Variants in CLYBL observed in about 807,000 individuals in gnomAD.
CLYBL encodes citramalyl-CoA lyase.
A neutral mutation model predicts 38.9 loss-of-function variants in CLYBL; 31 were observed. That is an observed-to-expected ratio of 0.80 (90% CI 0.60 to 1.08). CLYBL has a LOEUF of 1.08. CLYBL is among the 50% of genes least tolerant of loss of function. The pLI, the probability that CLYBL is intolerant of heterozygous loss-of-function variation, is 0.00. For synonymous variants in CLYBL, 171 were observed against 158.6 expected (o/e 1.08, Z -0.59); for missense variants, 434 against 411.6 (o/e 1.05, Z -0.47).
chr13:99,789,075 A>G (rs2049861044), intron 2 of CLYBL, among the ~76,000 whole-genome samples: 1 of 151,964 alleles, frequency 6.6e-6, no homozygotes, highest in Non-Finnish European at 1.5e-5. Context: ...TATTGCGTCT[A>G]TTTGATTCTT....
chr13:99,798,136 C>T (rs1303221567), intron 2 of CLYBL, among the ~76,000 whole-genome samples: 1 of 152,130 alleles, frequency 6.6e-6, no homozygotes, highest in African/African-American at 2.4e-5. Flanking sequence ...ATAAGCTTCC[C>T]CATAGTCACC....
intron 1 of CLYBL, among the ~76,000 whole-genome samples, chr13:99,676,922 T>C (rs2047662007): frequency 6.6e-6 from 1 of 151,912 alleles, no homozygotes. Flanking sequence ...CTTAATAATA[T>C]TCCCAAATGG....
chr13:99,716,169 A>ATATTTTTTTTTTTTTTTT (rs2048308482), intron 1 of CLYBL, among the ~76,000 whole-genome samples: 2 of 33,434 alleles, frequency 6.0e-5, no homozygotes, highest in Non-Finnish European at 1.2e-4. Flanking sequence ...TATTGGTGTA[A>ATATTTTTTTTTTTTTTTT]TTTTTTTTTT....
intron 1 of CLYBL, among the ~76,000 whole-genome samples, chr13:99,652,169 TG>T (rs2047264500): frequency 6.6e-6 from 1 of 152,198 alleles, no homozygotes; most frequent in African/African-American, 2.4e-5. Context: ...AGTGTCCAAC[TG>T]GGCTAATAGG....
chr13:99,827,811 G>A (rs1458175021), intron 2 of CLYBL, among the ~76,000 whole-genome samples: 1 of 152,264 alleles, frequency 6.6e-6, no homozygotes, highest in East Asian at 1.9e-4. Context: ...GTATGGTTCG[G>A]GAGGGTTCAT....
intron 1 of CLYBL, among the ~76,000 whole-genome samples, chr13:99,680,531 A>G (rs2047719906): frequency 6.6e-6 from 1 of 152,234 alleles, no homozygotes; most frequent in South Asian, 2.1e-4. Context: ...AGGACTGGCC[A>G]GAGAAGAAAA....
At chr13:99,775,520 TA>T (rs1339505097) in intron 2 of CLYBL, among the ~76,000 whole-genome samples, 1 of 152,100 alleles carries the variant, frequency 6.6e-6, no homozygotes, top group East Asian at 1.9e-4. Flanking sequence ...AAAATTTCAT[TA>T]AAAAAATTTT....
chr13:99,897,839 C>T (rs185573256), downstream of CLYBL, among the ~76,000 whole-genome samples: 83 of 152,080 alleles, frequency 5.5e-4, 1 homozygote, highest in African/African-American at 1.8e-3. Flanking sequence ...CCCAGCTACC[C>T]GAAAGGCTGA....
intron 2 of CLYBL, among the ~76,000 whole-genome samples, chr13:99,774,902 T>G (rs2049479197): frequency 6.6e-6 from 1 of 152,198 alleles, no homozygotes; most frequent in African/African-American, 2.4e-5. Flanking sequence ...ACTCCAAGAT[T>G]CGATGCTAAC....
At chr13:99,684,809 T>G (rs901613979) in intron 1 of CLYBL, among the ~76,000 whole-genome samples, 1 of 152,176 alleles carries the variant, frequency 6.6e-6, no homozygotes, top group African/African-American at 2.4e-5. Flanking sequence ...GAACCATGGG[T>G]TGGAGTGAAC....
At chr13:99,663,191 C>G (rs905955351) in intron 1 of CLYBL, among the ~76,000 whole-genome samples, 1 of 152,200 alleles carries the variant, frequency 6.6e-6, no homozygotes, top group African/African-American at 2.4e-5. Context: ...CTTTCTTCTA[C>G]TGAATAAACC....
chr13:99,789,890 G>C (rs1008319068), intron 2 of CLYBL, among the ~76,000 whole-genome samples: 1 of 151,996 alleles, frequency 6.6e-6, no homozygotes, highest in African/African-American at 2.4e-5. Context: ...TCCTGTATTG[G>C]GTGCATATAT....
chr13:99,786,437 A>G (rs2049797156), intron 2 of CLYBL, among the ~76,000 whole-genome samples: 1 of 151,792 alleles, frequency 6.6e-6, no homozygotes, highest in Non-Finnish European at 1.5e-5. Flanking sequence ...GTTCCCACCT[A>G]TGAGTGAGAA....
chr13:99,817,670 A>G (rs2806294), intron 2 of CLYBL, among the ~76,000 whole-genome samples: 39,571 of 142,216 alleles, frequency 0.28, 5,940 homozygotes, highest in Middle Eastern at 0.34. Context: ...AAAAAAAAAA[A>G]AAAGAAAAGA....
At chr13:99,625,795 A>G (rs1429459696) in intron 1 of CLYBL, among the ~76,000 whole-genome samples, 1 of 152,230 alleles carries the variant, frequency 6.6e-6, no homozygotes, top group Non-Finnish European at 1.5e-5. Context: ...AACGGGAGTC[A>G]TGCCTCCCAG....
intron 2 of CLYBL, among the ~76,000 whole-genome samples, chr13:99,799,051 C>T (rs536865868): frequency 2.6e-5 from 4 of 152,138 alleles, no homozygotes; most frequent in Admixed American, 6.5e-5. Flanking sequence ...GTAAGAACAG[C>T]GAATTGGGAA....
chr13:99,870,158 G>A (rs1273744758), intron 6 of CLYBL, among the ~76,000 whole-genome samples: 2 of 152,046 alleles, frequency 1.3e-5, no homozygotes, highest in Admixed American at 1.3e-4. Context: ...TATAAAGAGG[G>A]AAATACCCAG....
At chr13:99,690,374 G>A (rs918595769) in intron 1 of CLYBL, 1 of 152,160 alleles carries the variant, frequency 6.6e-6, no homozygotes, top group Non-Finnish European at 1.5e-5. Context: ...AAGGAACATA[G>A]ATTTTGGTGT....
intron 1 of CLYBL, among the ~76,000 whole-genome samples, chr13:99,687,261 T>C (rs1034674493): frequency 1.3e-5 from 2 of 152,178 alleles, no homozygotes; most frequent in African/African-American, 4.8e-5. Context: ...CCTTATGAGG[T>C]ATGAAGCGGG....
Sources: gnomAD v4.1 joint callset for allele counts (sites outside exome capture counted in the v4.1 genomes callset) on GRCh38, gnomAD v4.1.1 for gene constraint, MANE v1.5 for transcripts, NCBI Gene and HGNC (gene_info 2026-07-23, HGNC 2026-07-21) for gene names.